Variants in PTPRD observed in about 807,000 individuals in gnomAD.
PTPRD encodes receptor-type tyrosine-protein phosphatase delta.
PTPRD carries 34 observed loss-of-function variants against 214.5 expected under a neutral mutation model. That is an observed-to-expected ratio of 0.16 (90% confidence interval 0.12 to 0.21). The LOEUF is 0.21. Among genes scored for constraint, PTPRD ranks in the 10% least tolerant of loss-of-function variants. The pLI, the probability that PTPRD is intolerant of heterozygous loss-of-function variation, is 1.00. For synonymous variants in PTPRD, 1,128 were observed against 845.7 expected, an observed-to-expected ratio of 1.33 and a Z score of -5.79; for missense variants, 2,545 against 2,398.7, an observed-to-expected ratio of 1.06 and a Z score of -1.27.
chr9:10,414,884 C>G (rs947618146), intron 2 of PTPRD, among the ~76,000 whole-genome samples: 1 of 151,608 alleles, frequency 6.6e-6, no homozygotes, highest in Non-Finnish European at 1.5e-5. Flanking sequence ...ATGATGAGAA[C>G]TCATGGATAC....
chr9:9,923,678 T>C (rs1429639304), intron 5 of PTPRD, among the ~76,000 whole-genome samples: 1 of 151,980 alleles, frequency 6.6e-6, no homozygotes, highest in Admixed American at 6.6e-5. Context: ...GCAAGAATAA[T>C]CTTCAACTTA....
chr9:9,890,259 A>G lies in PTPRD; in HGVS notation c.-368+48248T>C, dbSNP rs142875239. On this transcript the variant is annotated intron_variant, in intron 5 of 45. Transcript: ENST00000381196. ...GTGGCCCAGGGTAGAGTGCAGTGAT[A>G]CGATCCTGGCTCACTGTAGCCTCCA... Among the ~76,000 whole-genome samples the G allele has an allele frequency of 2.1e-3, 319 of 152,104 alleles. 1 individual carries two copies. The highest frequency in any genetic ancestry group is 6.8e-3 in the African/African-American group (282 of 41,510).
intron 8 of PTPRD, among the ~76,000 whole-genome samples, chr9:9,554,437 T>G (rs1178159607): frequency 6.6e-6 from 1 of 152,006 alleles, no homozygotes; most frequent in Non-Finnish European, 1.5e-5. Flanking sequence ...TACTCTTGTT[T>G]TTAGGTTACA....
chr9:10,541,165 G>A lies in PTPRD; in HGVS notation c.-600+71233C>T, dbSNP rs114308781. ...ATACTATTTTATTCCCATAGATAGTGCCCTGTAAGAGTTGGAAAATGTATT... is the reference window on the plus strand; with the variant it reads ...ATACTATTTTATTCCCATAGATAGTACCCTGTAAGAGTTGGAAAATGTATT... On this transcript the variant is annotated intron_variant, in intron 2 of 45. Coordinates refer to ENST00000381196, the MANE Select transcript of PTPRD (RefSeq NM_002839.4). Among the ~76,000 whole-genome samples the A allele has an allele frequency of 4.6e-4, 70 of 152,168 alleles. 1 individual carries two copies. Among genetic ancestry groups the A allele is most frequent in the African/African-American group, 1.7e-3 (69 of 41,522 alleles).
intron 11 of PTPRD, among the ~76,000 whole-genome samples, chr9:8,964,172 T>C (rs1282113487): frequency 6.8e-6 from 1 of 148,128 alleles, no homozygotes; most frequent in Non-Finnish European, 1.5e-5. Flanking sequence ...TGGCTGTGAA[T>C]CTATCTAGTT....
At chr9:10,452,489 T>A (rs1216484200) in intron 2 of PTPRD, among the ~76,000 whole-genome samples, 1 of 151,862 alleles carries the variant, frequency 6.6e-6, no homozygotes, top group African/African-American at 2.4e-5. Context: ...AAACTTGTTA[T>A]CTTCTTTTTT....
At chr9:8,769,323 T>C (rs1157333243) in intron 11 of PTPRD, among the ~76,000 whole-genome samples, 1 of 152,238 alleles carries the variant, frequency 6.6e-6, no homozygotes, top group Non-Finnish European at 1.5e-5. Context: ...TTGTAAACAC[T>C]AGTACTGAGA....
At chr9:9,987,363 T>C (rs893125168) in intron 4 of PTPRD, among the ~76,000 whole-genome samples, 1 of 151,818 alleles carries the variant, frequency 6.6e-6, no homozygotes, top group Non-Finnish European at 1.5e-5. Flanking sequence ...AAGAAAGAGG[T>C]TTAATGGACT....
At chr9:9,300,413 C>T (rs956010520) in intron 9 of PTPRD, among the ~76,000 whole-genome samples, 6 of 151,806 alleles carry the variant, frequency 4.0e-5, no homozygotes, top group South Asian at 2.1e-4. Context: ...TTTTAGACAG[C>T]GCCTCTTCAT....
chr9:9,660,296 G>C (rs1002758479), intron 7 of PTPRD, among the ~76,000 whole-genome samples: 9 of 151,892 alleles, frequency 5.9e-5, no homozygotes, highest in Non-Finnish European at 1.2e-4. Context: ...CACATTAACA[G>C]AACATCTCCT....
chr9:10,413,699 C>T (rs2098459607), intron 2 of PTPRD, among the ~76,000 whole-genome samples: 1 of 151,978 alleles, frequency 6.6e-6, no homozygotes, highest in Non-Finnish European at 1.5e-5. Context: ...CATTACCTGA[C>T]TTGAAACTAC....
intron 5 of PTPRD, among the ~76,000 whole-genome samples, chr9:9,850,369 T>G (rs1019264701): frequency 9.9e-5 from 15 of 152,102 alleles, no homozygotes; most frequent in African/African-American, 1.7e-4. Context: ...CTTGTTATTA[T>G]TAGTAGTATT....
chr9:9,512,557 C>T (rs768603074), intron 8 of PTPRD, among the ~76,000 whole-genome samples: 3 of 151,836 alleles, frequency 2.0e-5, no homozygotes, highest in African/African-American at 2.4e-5. Flanking sequence ...CAATCAAAAA[C>T]GTTAATAACT....
chr9:8,500,810 G>A lies in PTPRD; in HGVS notation c.2072C>T (p.Thr691Ile), dbSNP rs775957349. The A allele has an allele frequency of 6.2e-7, 1 of 1,614,136 alleles. No homozygotes were observed. Among genetic ancestry groups the A allele is most frequent in the Non-Finnish European group, 8.5e-7 (1 of 1,180,012 alleles). ...GCTCTCAGGGCCAGGGCCGACATCTGTATGGGCTGTCACAGTGATCCGGTA... is the reference window on the plus strand; with the variant it reads ...GCTCTCAGGGCCAGGGCCGACATCTATATGGGCTGTCACAGTGATCCGGTA... ...TEYRITVTAH[T>I]DVGPGPESLS... is the part of the protein sequence containing the mutation. The change falls in exon 24 of 46, where the codon ACA becomes ATA. Residue 691 changes from threonine (T) to isoleucine (I), a missense_variant. Physicochemically the swap from Thr to Ile is moderately conservative, Grantham distance 89. Coordinates refer to ENST00000381196, the MANE Select transcript of PTPRD (RefSeq NM_002839.4).
intron 2 of PTPRD, among the ~76,000 whole-genome samples, chr9:10,431,690 C>T (rs1305138581): frequency 6.6e-6 from 1 of 152,084 alleles, no homozygotes; most frequent in African/African-American, 2.4e-5. Flanking sequence ...AAAAAATGCT[C>T]GTCATCACTG....
At chr9:9,651,822 G>GTTTT (rs1470208021) in intron 7 of PTPRD, among the ~76,000 whole-genome samples, 1 of 92,598 alleles carries the variant, frequency 1.1e-5, no homozygotes. Flanking sequence ...TTTATTCAAG[G>GTTTT]TTTGTTTTTT....
At chr9:9,465,015 T>C (rs2094016202) in intron 8 of PTPRD, among the ~76,000 whole-genome samples, 1 of 152,194 alleles carries the variant, frequency 6.6e-6, no homozygotes, top group Non-Finnish European at 1.5e-5. Flanking sequence ...GACAATTGAA[T>C]TCTGGTTATT....
chr9:9,326,489 T>C (rs528264722), intron 9 of PTPRD, among the ~76,000 whole-genome samples: 12 of 152,046 alleles, frequency 7.9e-5, no homozygotes, highest in Non-Finnish European at 1.3e-4. Flanking sequence ...GATTTTTCTA[T>C]GATTGCAAAG....
At chr9:9,341,317 C>G (rs1359297075) in intron 9 of PTPRD, among the ~76,000 whole-genome samples, 6 of 152,068 alleles carry the variant, frequency 3.9e-5, no homozygotes, top group Non-Finnish European at 7.4e-5. Context: ...CAGATGGGCT[C>G]TGAAAGAAAT....
Sources: allele counts gnomAD v4.1 joint callset (sites outside exome capture counted in the v4.1 genomes callset), GRCh38; gene constraint gnomAD v4.1.1; transcripts MANE v1.5; gene names NCBI Gene and HGNC (gene_info 2026-07-23, HGNC 2026-07-21).